SGSM3: variants seen among roughly 807,000 people sequenced by gnomAD.
The protein encoded by SGSM3 is small G protein signaling modulator 3, also known as RUN and SH3 containing 3.
Under a neutral mutation model 100.5 loss-of-function variants are expected in SGSM3, and 96 were observed. That is an observed-to-expected ratio of 0.96 (90% CI 0.81 to 1.13). The LOEUF is 1.13. Among genes scored for constraint, SGSM3 ranks in the 50% most tolerant of loss-of-function variants. The probability of loss-of-function intolerance (pLI) is 0.00; values close to 1 mark genes in which losing one functional copy is unlikely to be tolerated. For missense variants in SGSM3, 1,001 were observed against 1,015.8 expected, an observed-to-expected ratio of 0.99 and a Z score of 0.20; for synonymous variants, 483 against 422.8, an observed-to-expected ratio of 1.14 and a Z score of -1.75.
chr22:40,394,421 G>A (rs970631936), intron 1 of SGSM3, among the ~76,000 whole-genome samples: 7 of 152,190 alleles, frequency 4.6e-5, no homozygotes, highest in African/African-American at 7.2e-5. Context: ...GCTGAGGCGG[G>A]TGGATCACGA....
chr22:40,407,977 G>A lies in SGSM3; in HGVS notation c.1580-94G>A, dbSNP rs989851255. Reference sequence around the variant, plus strand: ...GGCTTGAGGTCCCTGAAGCAGCTGAGCCGGCTTCCCACTGCCTCAGCCTGC... The same window carrying A: ...GGCTTGAGGTCCCTGAAGCAGCTGAACCGGCTTCCCACTGCCTCAGCCTGC... On this transcript the variant is annotated intron_variant, in intron 14 of 21. Transcript: ENST00000248929. This position sits in a 1 kb window ranked among gnomAD's most constrained non-coding sequence, Gnocchi z 4.7. 49 of 1,483,534 alleles carry A rather than the reference G, an allele frequency of 3.3e-5. No homozygotes were observed. In the African/African-American group the frequency reaches 6.8e-4, roughly 21 times the overall value. 91.9% of individuals were successfully genotyped at this position (1,483,534 alleles called of 1,614,324 possible).
intron 1 of SGSM3, among the ~76,000 whole-genome samples, chr22:40,395,398 C>T (rs897443999): frequency 6.6e-6 from 1 of 151,796 alleles, no homozygotes. Context: ...CTCAGCTCAC[C>T]GCAACCTCCA....
At chr22:40,392,673 A>G (rs953909054) in intron 1 of SGSM3, among the ~76,000 whole-genome samples, 2 of 152,190 alleles carry the variant, frequency 1.3e-5, no homozygotes, top group Non-Finnish European at 2.9e-5. Context: ...ATTATTTTTA[A>G]AATTGAGATA....
Position 40,409,870 on chromosome 22 carries a change from T to A in SGSM3, c.*111T>A, listed in dbSNP as rs2052361505. The A allele has an allele frequency of 1.4e-6, 2 of 1,464,754 alleles. No homozygotes were observed. Among genetic ancestry groups the A allele is most frequent in the South Asian group, 1.4e-5 (1 of 70,984 alleles). The allele number at this position is 1,464,754 out of a possible 1,614,324, so 90.7% of individuals were successfully genotyped here. A position where few individuals can be genotyped will look rare whatever the true frequency, so the allele number is the denominator to read the frequency against. ...GAGCCCTGGCCGGGGCCGCGGGATA[T>A]CAATATCAGGCTGCCCCACTCCACG... On this transcript the variant is annotated 3_prime_UTR_variant, in exon 22 of 22. Coordinates refer to ENST00000248929, the MANE Select transcript of SGSM3 (RefSeq NM_015705.6).
At chr22:40,406,819 G>C (rs1402497046) in intron 10 of SGSM3, 157 bp downstream of exon 10, 1 of 845,452 alleles carries the variant, frequency 1.2e-6, no homozygotes, top group Non-Finnish European at 1.9e-6. Context: ...GGTGATCCAG[G>C]CCTCCTCAGG....
chr22:40,400,790 G>C lies in SGSM3; in HGVS notation c.-17G>C. ...CTAAGATTGGAGCTGCAGAAGACTT[G>C]CCAGCCCACCAGCACAATGTCAGGT... On this transcript the variant is annotated 5_prime_UTR_variant, in exon 2 of 22. Coordinates refer to ENST00000248929, the MANE Select transcript of SGSM3 (RefSeq NM_015705.6). The C allele has an allele frequency of 3.2e-6, 5 of 1,550,598 alleles. No homozygotes were observed. Among genetic ancestry groups the C allele is most frequent in the Non-Finnish European group, 4.4e-6 (5 of 1,146,510 alleles).
Position 40,391,053 on chromosome 22 carries a change from A to G in SGSM3, c.-111-9643A>G, listed in dbSNP as rs118036091. Among the ~76,000 whole-genome samples, 86 of 152,310 alleles carry G rather than the reference A, an allele frequency of 5.6e-4. 2 individuals carry two copies. In the East Asian group the frequency reaches 0.014, roughly 26 times the overall value. On this transcript the variant is annotated intron_variant, in intron 1 of 21. Coordinates refer to ENST00000248929, the MANE Select transcript of SGSM3 (RefSeq NM_015705.6). The stretch of plus-strand genomic sequence containing the variant: ...GATTAATTCTGTTGGGGAAGGAGGT[A>G]GGGGACATGGAAGTTGGAAAGAAAG...
rs149452899 is a variant in SGSM3, at chr22:40,408,959, C to A, written c.1929C>A (p.His643Gln). 1 of 1,604,898 alleles carries A rather than the reference C, an allele frequency of 6.2e-7. No homozygotes were observed. The highest frequency in any genetic ancestry group is 8.5e-7 in the Non-Finnish European group (1 of 1,175,674). Residue 643 changes from histidine to glutamine, a missense_variant, in exon 19 of 22, where the codon CAC becomes CAA. Coordinates refer to ENST00000248929, the MANE Select transcript of SGSM3 (RefSeq NM_015705.6). ...CTGTGCAGTCTGTGAACGTGACCCA[C>A]GATGCAGTGCATGCACAAATGGATG... ...YRAVQSVNVT[H>Q]DAVHAQMDVK...
intron 1 of SGSM3, among the ~76,000 whole-genome samples, chr22:40,398,198 C>T (rs960787028): frequency 2.6e-5 from 4 of 151,850 alleles, no homozygotes; most frequent in African/African-American, 9.7e-5. Flanking sequence ...ATCTCCCGAC[C>T]TCAGGTGATC....
chr22:40,404,179 G>A lies in SGSM3; in HGVS notation c.158-68G>A, dbSNP rs2051128759. 10 of 1,355,156 alleles carry A rather than the reference G, an allele frequency of 7.4e-6. No individual in the cohort carries two copies. The South Asian group carries it at 1.2e-4, about 16-fold the overall frequency. The allele number at this position is 1,355,156 out of a possible 1,614,324, so 83.9% of individuals were successfully genotyped here. ...AAGCTCAGACCCTCCTGAAGACGGA[G>A]GCTTGGCTGCTTGGAGAACACGTAG... On this transcript the variant is annotated intron_variant, in intron 4 of 21. Transcript: ENST00000248929.
At position 40,407,147 on chromosome 22, in the gene SGSM3, C is replaced by T. The variant is rs1333249240; in HGVS notation, c.1241-54C>T. On this transcript the variant is annotated intron_variant, in intron 11 of 21. Coordinates refer to ENST00000248929, the MANE Select transcript of SGSM3 (RefSeq NM_015705.6). The surrounding 1 kb of genome is among the most constrained non-coding windows in gnomAD (Gnocchi z 4.7). ...CACGCTCATGTGGACGTGGAGCTTC[C>T]TCCTCGGGGGCCTGGAGTGGGCTGT... 1.9e-6 allele frequency: 3 copies of T among 1,612,308 alleles called. No homozygotes were observed. The East Asian group carries it at 6.7e-5, about 36-fold the overall frequency.
intron 1 of SGSM3, chr22:40,372,607 A>T (rs1366058146): frequency 3.9e-5 from 6 of 152,230 alleles, no homozygotes; most frequent in Non-Finnish European, 8.8e-5. Flanking sequence ...TGTCAGGTTG[A>T]TAGAAAAGTG....
At chr22:40,383,250 G>A (rs1339996904) in intron 1 of SGSM3, among the ~76,000 whole-genome samples, 6 of 151,896 alleles carry the variant, frequency 4.0e-5, no homozygotes, top group East Asian at 1.9e-4. Flanking sequence ...GGCAGATCAC[G>A]AGGTCAGGAG....
At chr22:40,402,552 T>A (rs1051226334) in intron 4 of SGSM3, among the ~76,000 whole-genome samples, 2 of 152,152 alleles carry the variant, frequency 1.3e-5, no homozygotes, top group African/African-American at 4.8e-5. Context: ...CCAACCTAGC[T>A]AACATGGTGA....
chr22:40,397,739 C>A (rs2050222654), intron 1 of SGSM3, among the ~76,000 whole-genome samples: 1 of 152,202 alleles, frequency 6.6e-6, no homozygotes, highest in African/African-American at 2.4e-5. Flanking sequence ...CCAGTGTGCT[C>A]CCAACTTGGG....
intron 1 of SGSM3, among the ~76,000 whole-genome samples, chr22:40,397,753 GCTT>G (rs1375344312): frequency 6.6e-6 from 1 of 152,152 alleles, no homozygotes; most frequent in Non-Finnish European, 1.5e-5. Flanking sequence ...ACTTGGGGCT[GCTT>G]CTCCCTGGAT....
intron 1 of SGSM3, among the ~76,000 whole-genome samples, chr22:40,396,695 G>C (rs1235097364): frequency 6.6e-6 from 1 of 151,798 alleles, no homozygotes; most frequent in African/African-American, 2.4e-5. Context: ...TGTAGTAGTA[G>C]CAACTATGCT....
rs767538606 is a variant in SGSM3, at chr22:40,409,665, G to A, written c.2173-17G>A. 6.2e-6 allele frequency: 10 copies of A among 1,613,032 alleles called. No individual in the cohort carries two copies. The highest frequency in any genetic ancestry group is 8.5e-6 in the Non-Finnish European group (10 of 1,179,666). On this transcript the variant is annotated splice_polypyrimidine_tract_variant and intron_variant, in intron 21 of 21. Coordinates refer to ENST00000248929, the MANE Select transcript of SGSM3 (RefSeq NM_015705.6). ...CATGCCCAAGGCCTGTGAGGTGAGG[G>A]GCTGCCCTGTTTGCAGGCGCAGCAG...
chr22:40,378,527 G>A (rs959096876), intron 1 of SGSM3, among the ~76,000 whole-genome samples: 1 of 151,722 alleles, frequency 6.6e-6, no homozygotes, highest in Admixed American at 6.6e-5. Context: ...GTGGGAGTTC[G>A]AGACCAACCT....
Sources: gnomAD v4.1 joint callset for allele counts (sites outside exome capture counted in the v4.1 genomes callset) on GRCh38, gnomAD v4.1.1 for gene constraint, Gnocchi (gnomAD v3.1) non-coding constraint, MANE v1.5 for transcripts, NCBI Gene and HGNC (gene_info 2026-07-23, HGNC 2026-07-21) for gene names.